EGFR: variants seen among roughly 807,000 people sequenced by gnomAD.
EGFR encodes the protein avian erythroblastic leukemia viral (v-erb-b) oncogene homolog.
EGFR carries 58 observed loss-of-function variants against 143.0 expected under a neutral mutation model. The ratio of observed to expected loss-of-function variants is 0.41; its 90% CI spans 0.33 to 0.50. The LOEUF (loss-of-function observed/expected upper bound fraction) is 0.50, where lower values mean the gene tolerates loss of function less well. Ranked by LOEUF, EGFR falls within the 20% of genes least tolerant of loss-of-function variation. The pLI is 0.39. For missense variants in EGFR, 1,307 were observed against 1,579.0 expected, an observed-to-expected ratio of 0.83 and a Z score of 2.92; for synonymous variants, 613 against 594.4, an observed-to-expected ratio of 1.03 and a Z score of -0.45.
At chr7:55,201,935 A>G (rs1322755903) in intron 26 of EGFR, among the ~76,000 whole-genome samples, 153 bp downstream of exon 26, 1 of 152,076 alleles carries the variant, frequency 6.6e-6, no homozygotes, top group Admixed American at 6.6e-5. Context: ...CACGCCTCAC[A>G]GTGCCGTTCA....
chr7:55,141,200 T>C (rs1189400394), intron 1 of EGFR, among the ~76,000 whole-genome samples: 1 of 152,152 alleles, frequency 6.6e-6, no homozygotes, highest in African/African-American at 2.4e-5. Flanking sequence ...TTAAGATAAT[T>C]TGGGTTCAAA....
intron 1 of EGFR, among the ~76,000 whole-genome samples, chr7:55,088,275 G>A (rs1457928349): frequency 1.3e-5 from 2 of 152,200 alleles, no homozygotes; most frequent in Non-Finnish European, 2.9e-5. Context: ...AGCGGATGGG[G>A]GAGGCCCCCT....
chr7:55,045,396 T>C (rs137923367), intron 1 of EGFR, among the ~76,000 whole-genome samples: 2 of 152,372 alleles, frequency 1.3e-5, no homozygotes, highest in Non-Finnish European at 2.9e-5. Flanking sequence ...AAACAATTGA[T>C]TGAACTTCAC....
chr7:55,161,220 C>T (rs751586388), intron 12 of EGFR, among the ~76,000 whole-genome samples: 2 of 152,228 alleles, frequency 1.3e-5, no homozygotes, highest in Non-Finnish European at 2.9e-5. Flanking sequence ...CACCCCCTCT[C>T]GGGTGCCAGG....
chr7:55,194,062 C>A (rs1211827559), intron 22 of EGFR, among the ~76,000 whole-genome samples: 1 of 152,056 alleles, frequency 6.6e-6, no homozygotes, highest in Non-Finnish European at 1.5e-5. Flanking sequence ...AATGTATCTC[C>A]TCTCCACGAG....
chr7:55,201,219 C>T lies in EGFR; in HGVS notation c.2978C>T (p.Thr993Ile), dbSNP rs2128971524. The T allele has an allele frequency of 6.2e-7, 1 of 1,614,176 alleles. No homozygotes were observed. The highest frequency in any genetic ancestry group is 2.2e-5 in the East Asian group (1 of 44,870). Residue 993 changes from threonine (T) to isoleucine (I), a missense_variant, in exon 25 of 28, where the codon ACA becomes ATA. This residue lies in a region of EGFR where 313 missense variants were observed against 312.3 expected (regional missense o/e 1.00). Coordinates refer to ENST00000275493, the MANE Select transcript of EGFR (RefSeq NM_005228.5). The part of the protein sequence containing the change: ...GDERMHLPSP[T>I]DSNFYRALMD... ...GAAAGAATGCATTTGCCAAGTCCTACAGACTCCAACTTCTACCGTGCCCTG... is the reference window on the plus strand; with the variant it reads ...GAAAGAATGCATTTGCCAAGTCCTATAGACTCCAACTTCTACCGTGCCCTG...
chr7:55,119,862 G>A (rs1793094059), intron 1 of EGFR, among the ~76,000 whole-genome samples: 1 of 152,178 alleles, frequency 6.6e-6, no homozygotes, highest in African/African-American at 2.4e-5. Context: ...CAGGGCCATG[G>A]GCACAACCAT....
intron 1 of EGFR, among the ~76,000 whole-genome samples, chr7:55,073,103 T>C (rs879497513): frequency 1.3e-5 from 2 of 152,230 alleles, no homozygotes; most frequent in Non-Finnish European, 2.9e-5. Flanking sequence ...GAAGCAAATA[T>C]CTAACTTCTC....
At position 55,154,040 on chromosome 7, in the gene EGFR, G is replaced by T. The variant is rs751873368; in HGVS notation, c.777G>T (p.Thr259=). The change falls in exon 7 of 28, where the codon ACG becomes ACT. Residue 259 remains threonine (T), a synonymous_variant. Coordinates refer to ENST00000275493, the MANE Select transcript of EGFR (RefSeq NM_005228.5). The stretch of plus-strand genomic sequence containing the variant: ...GCCGCAAATTCCGAGACGAAGCCAC[G>T]TGCAAGGACACCTGCCCCCCACTCA... ...LVCRKFRDEA[T]CKDTCPPLML... The T allele has an allele frequency of 3.1e-6, 5 of 1,614,190 alleles. No homozygotes were observed. Among genetic ancestry groups the T allele is most frequent in the Non-Finnish European group, 4.2e-6 (5 of 1,180,044 alleles).
intron 27 of EGFR, among the ~76,000 whole-genome samples, chr7:55,203,991 GAT>G (rs1471738293): frequency 6.6e-6 from 1 of 150,682 alleles, no homozygotes; most frequent in Non-Finnish European, 1.5e-5. Flanking sequence ...TAAAGATTTA[GAT>G]ATATAACATA....
intron 1 of EGFR, among the ~76,000 whole-genome samples, chr7:55,034,447 G>A (rs1787442650): frequency 6.6e-6 from 1 of 152,010 alleles, no homozygotes; most frequent in African/African-American, 2.4e-5. Flanking sequence ...TTGGCCAGGT[G>A]CCCATTATTA....
At chr7:55,098,362 G>T (rs886920615) in intron 1 of EGFR, among the ~76,000 whole-genome samples, 6 of 152,290 alleles carry the variant, frequency 3.9e-5, no homozygotes, top group Admixed American at 3.3e-4. Context: ...CCGACAGCAC[G>T]CATGACCTTC....
At chr7:55,049,852 C>A (rs917186299) in intron 1 of EGFR, among the ~76,000 whole-genome samples, 1 of 152,166 alleles carries the variant, frequency 6.6e-6, no homozygotes, top group African/African-American at 2.4e-5. Flanking sequence ...TAGACTCTAG[C>A]CTGAGAATCA....
At chr7:55,113,824 A>G (rs892866402) in intron 1 of EGFR, among the ~76,000 whole-genome samples, 3 of 152,208 alleles carry the variant, frequency 2.0e-5, no homozygotes, top group African/African-American at 7.2e-5. Context: ...TTCAAGCCCC[A>G]TCCAAAACCC....
chr7:55,172,357 G>A (rs185655453), intron 16 of EGFR, among the ~76,000 whole-genome samples: 3 of 152,266 alleles, frequency 2.0e-5, no homozygotes, highest in Admixed American at 2.0e-4. Flanking sequence ...TCTGTGGGAG[G>A]GAGGATTAAA....
intron 1 of EGFR, among the ~76,000 whole-genome samples, chr7:55,077,947 C>G (rs1790225813): frequency 6.6e-6 from 1 of 152,210 alleles, no homozygotes; most frequent in African/African-American, 2.4e-5. Flanking sequence ...GGGTGTAATG[C>G]TGCACCAGGG....
chr7:55,181,273 G>A lies in EGFR; in HGVS notation c.2284-20G>A, dbSNP rs200438791. ...GGCCACCATGCGAAGCCACACTGAC[G>A]TGCCTCTCCCTCCCTCCAGGAAGCC... is the stretch of plus-strand genomic sequence containing the variant. On this transcript the variant is annotated intron_variant, in intron 19 of 27. Transcript: ENST00000275493. 13 of 1,613,808 alleles carry A rather than the reference G, an allele frequency of 8.1e-6. No homozygotes were observed. Among genetic ancestry groups the A allele is most frequent in the Middle Eastern group, 1.7e-4 (1 of 5,850 alleles).
chr7:55,121,443 G>T (rs1194502664), intron 1 of EGFR, among the ~76,000 whole-genome samples: 2 of 152,208 alleles, frequency 1.3e-5, no homozygotes, highest in Non-Finnish European at 2.9e-5. Flanking sequence ...GCCATTAGAA[G>T]AATGTCCTAC....
intron 1 of EGFR, among the ~76,000 whole-genome samples, chr7:55,019,978 C>T (rs1253683649): frequency 3.3e-5 from 5 of 152,262 alleles, no homozygotes; most frequent in African/African-American, 9.6e-5. Flanking sequence ...AGCCTGGCCC[C>T]GGCCCCTCTC....
Sources: gnomAD v4.1 joint callset for allele counts (sites outside exome capture counted in the v4.1 genomes callset) on GRCh38, gnomAD v4.1.1 for gene constraint, gnomAD v4.1.1 regional missense constraint, MANE v1.5 for transcripts, NCBI Gene and HGNC (gene_info 2026-07-23, HGNC 2026-07-21) for gene names.